The following LRRTM2 variants were observed in gnomAD, a reference collection of about 807,000 sequenced individuals.
LRRTM2 encodes leucine-rich repeat transmembrane neuronal protein 2.
A neutral mutation model predicts 40.7 loss-of-function variants in LRRTM2; 14 were observed. The observed-to-expected ratio is 0.34, with a 90% CI of 0.23 to 0.54. LRRTM2 has a LOEUF of 0.54. Ranked by LOEUF, LRRTM2 falls within the 20% of genes least tolerant of loss-of-function variation. The pLI is 0.92. For missense variants in LRRTM2, 468 were observed against 624.4 expected, an observed-to-expected ratio of 0.75 and a Z score of 2.67; for synonymous variants, 223 against 237.6, an observed-to-expected ratio of 0.94 and a Z score of 0.57.
chr5:138,874,687 T>C lies in LRRTM2; in HGVS notation c.5-131A>G. ...CACTGCATATAACTTATTTTTCATT[T>C]ACTGCAGAAAAATTAACCTTATTGG... is the stretch of plus-strand genomic sequence containing the variant. On this transcript the variant is annotated intron_variant, in intron 1 of 1. Coordinates refer to ENST00000274711, the MANE Select transcript of LRRTM2 (RefSeq NM_015564.3). This position sits in a 1 kb window ranked among gnomAD's most constrained non-coding sequence, Gnocchi z 4.1. The C allele has an allele frequency of 2.7e-6, 2 of 752,732 alleles. No individual in the cohort carries two copies. The highest frequency in any genetic ancestry group is 2.7e-5 in the East Asian group (1 of 36,910). The allele number at this position is 752,732 out of a possible 1,614,324, so 46.6% of individuals were successfully genotyped here. A position where few individuals can be genotyped will look rare whatever the true frequency, so the allele number is the denominator to read the frequency against.
rs1445977652 is a variant in LRRTM2 at position 138,871,803 on chromosome 5, C to T, written c.*1207G>A. On this transcript the variant is annotated 3_prime_UTR_variant, in exon 2 of 2. Coordinates refer to ENST00000274711, the MANE Select transcript of LRRTM2 (RefSeq NM_015564.3). ...CTGAACTACACTTACAGCGTGAATGCGTATCTTTATTGAAAGATCGAAATG... is the reference window on the plus strand; with the variant it reads ...CTGAACTACACTTACAGCGTGAATGTGTATCTTTATTGAAAGATCGAAATG... 2.0e-5 allele frequency: 3 copies of T among 152,154 alleles called. No individual in the cohort carries two copies. Among genetic ancestry groups the T allele is most frequent in the Non-Finnish European group, 2.9e-5 (2 of 68,026 alleles). The allele number at this position is 152,154 out of a possible 1,614,324, so 9.4% of individuals were successfully genotyped here. A position where few individuals can be genotyped will look rare whatever the true frequency, so the allele number is the denominator to read the frequency against.
Position 138,874,510 on chromosome 5 carries a change from T to G in LRRTM2, c.51A>C (p.Ile17=). The G allele has an allele frequency of 6.2e-7, 1 of 1,601,174 alleles. No individual in the cohort carries two copies. Among genetic ancestry groups the G allele is most frequent in the Non-Finnish European group, 8.5e-7 (1 of 1,172,088 alleles). Reference sequence around the variant, plus strand: ...TTTTTAAAACCATACTCATTGCATATATTGCTGCCAGCATAGGGGCCCCTA... The same window carrying G: ...TTTTTAAAACCATACTCATTGCATAGATTGCTGCCAGCATAGGGGCCCCTA... ...WPLGAPMLAA[I]YAMSMVLKML... Residue 17 remains isoleucine (I), a synonymous_variant, in exon 2 of 2, where the codon ATA becomes ATC. Coordinates refer to ENST00000274711, the MANE Select transcript of LRRTM2 (RefSeq NM_015564.3). The surrounding 1 kb of genome is among the most constrained non-coding windows in gnomAD (Gnocchi z 4.1).
rs1765083543 is a variant in LRRTM2, at chr5:138,869,065, G to A, written c.*3945C>T. 8.6e-6 allele frequency: 1 copy of A among 116,028 alleles called. No homozygotes were observed. Among genetic ancestry groups the A allele is most frequent in the African/African-American group, 3.3e-5 (1 of 30,082 alleles). The allele number at this position is 116,028 out of a possible 1,614,324, so 7.2% of individuals were successfully genotyped here. ...CATCTGCCCACCTCCCACCCAAAAAGAAAAATGGCTCTTGAAGGTGATTGA... is the reference window on the plus strand; with the variant it reads ...CATCTGCCCACCTCCCACCCAAAAAAAAAAATGGCTCTTGAAGGTGATTGA... On this transcript the variant is annotated 3_prime_UTR_variant, in exon 2 of 2. Transcript: ENST00000274711.
At position 138,872,860 on chromosome 5, in the gene LRRTM2, A is replaced by T. The variant is rs1750807048; in HGVS notation, c.*150T>A. On this transcript the variant is annotated 3_prime_UTR_variant, in exon 2 of 2. Transcript: ENST00000274711. ...AAAATATGGTTTCATTTAAAAAATT[A>T]AAAATACTTCAACACTTCAAAAACT... 1 of 527,802 alleles carries T rather than the reference A, an allele frequency of 1.9e-6. No homozygotes were observed. The highest frequency in any genetic ancestry group is 3.6e-5 in the Admixed American group (1 of 27,758). 32.7% of individuals were successfully genotyped at this position (527,802 alleles called of 1,614,324 possible). A position where few individuals can be genotyped will look rare whatever the true frequency, so the allele number is the denominator to read the frequency against.
In LRRTM2 at chr5:138,874,530, C is replaced by A. The variant is rs780871330; in HGVS notation, c.31G>T (p.Ala11Ser). Residue 11 changes from alanine (A) to serine (S), a missense_variant, in exon 2 of 2, where the codon GCC (alanine) becomes TCC (serine). Transcript: ENST00000274711. This position sits in a 1 kb window ranked among gnomAD's most constrained non-coding sequence, Gnocchi z 4.1. ...GCATATATTGCTGCCAGCATAGGGG[C>A]CCCTAATGGCCACTTGAAATGTAAG... MGLHFKWPLG[A>S]PMLAAIYAMS... 3 of 1,576,892 alleles carry A rather than the reference C, an allele frequency of 1.9e-6. No individual in the cohort carries two copies. Among genetic ancestry groups the A allele is most frequent in the South Asian group, 1.2e-5 (1 of 86,788 alleles).
Position 138,872,030 on chromosome 5 carries a change from G to GTGTA in LRRTM2, c.*979_*980insTACA, listed in dbSNP as rs1750700351. 1.2e-5 allele frequency: 1 copy of GTGTA among 85,296 alleles called. No homozygotes were observed. The highest frequency in any genetic ancestry group is 2.2e-5 in the Non-Finnish European group (1 of 45,002). 5.3% of individuals were successfully genotyped at this position (85,296 alleles called of 1,614,324 possible). A position where few individuals can be genotyped will look rare whatever the true frequency, so the allele number is the denominator to read the frequency against. ...TAGTTGAGAGAGAGAGCGCGAGAGT[G>GTGTA]TGTGTGTGTGTGTGTGTGTGTGTGT... On this transcript the variant is annotated 3_prime_UTR_variant, in exon 2 of 2. Transcript: ENST00000274711.
rs1183102838 is a variant in LRRTM2 at position 138,870,875 on chromosome 5, A to G, written c.*2135T>C. On this transcript the variant is annotated 3_prime_UTR_variant, in exon 2 of 2. Transcript: ENST00000274711. ...AGGGCGCTGTGCTCTATGCTGTTAA[A>G]TCAGCTTCTGTCTCTGCCCAGACAA... The G allele has an allele frequency of 6.6e-6, 1 of 152,186 alleles. No homozygotes were observed. Among genetic ancestry groups the G allele is most frequent in the African/African-American group, 2.4e-5 (1 of 41,448 alleles). The allele number at this position is 152,186 out of a possible 1,614,324, so 9.4% of individuals were successfully genotyped here. A position where few individuals can be genotyped will look rare whatever the true frequency, so the allele number is the denominator to read the frequency against.
rs1239794387 is a variant in LRRTM2 at position 138,870,205 on chromosome 5, C to G, written c.*2805G>C. The G allele has an allele frequency of 1.3e-5, 2 of 152,220 alleles. No individual in the cohort carries two copies. The highest frequency in any genetic ancestry group is 2.9e-5 in the Non-Finnish European group (2 of 68,034). 9.4% of individuals were successfully genotyped at this position (152,220 alleles called of 1,614,324 possible). A position where few individuals can be genotyped will look rare whatever the true frequency, so the allele number is the denominator to read the frequency against. On this transcript the variant is annotated 3_prime_UTR_variant, in exon 2 of 2. Transcript: ENST00000274711. ...CAAGATCCGCAGCGTTGCTGTGATG[C>G]TGTTCCGTTCTAGCCAGTTGGTAAA...
Position 138,873,757 on chromosome 5 carries a change from G to A in LRRTM2, c.804C>T (p.Ile268=), listed in dbSNP as rs745786028. Residue 268 remains isoleucine, a synonymous_variant, in exon 2 of 2, where the codon ATC becomes ATT. Coordinates refer to ENST00000274711, the MANE Select transcript of LRRTM2 (RefSeq NM_015564.3). The surrounding 1 kb of genome is among the most constrained non-coding windows in gnomAD (Gnocchi z 6.1). Reference sequence around the variant, plus strand: ...GCATCGTTTCAAACACTGTCAAGTCGATGGCTTTGATTTCATTTCCAGTCA... The same window carrying A: ...GCATCGTTTCAAACACTGTCAAGTCAATGGCTTTGATTTCATTTCCAGTCA... ...LDLTGNEIKA[I]DLTVFETMPN... is the part of the protein sequence containing the mutation. 1.2e-6 allele frequency: 2 copies of A among 1,614,000 alleles called. No individual in the cohort carries two copies. Among genetic ancestry groups the A allele is most frequent in the Non-Finnish European group, 8.5e-7 (1 of 1,179,890 alleles).
chr5:138,873,934 C>G lies in LRRTM2; in HGVS notation c.627G>C (p.Glu209Asp), dbSNP rs1338569045. 1 of 1,614,002 alleles carries G rather than the reference C, an allele frequency of 6.2e-7. No individual in the cohort carries two copies. The highest frequency in any genetic ancestry group is 1.7e-5 in the Admixed American group (1 of 60,022). The change falls in exon 2 of 2, where the codon GAG becomes GAC. Residue 209 changes from glutamate to aspartate, a missense_variant. Coordinates refer to ENST00000274711, the MANE Select transcript of LRRTM2 (RefSeq NM_015564.3). This position sits in a 1 kb window ranked among gnomAD's most constrained non-coding sequence, Gnocchi z 6.1. ...TCAGCTGGTTGTGCTCTAGGTGAAG[C>G]TCTCTCAGTTTAATTAATCCTGCAA... ...NGFAGLIKLR[E>D]LHLEHNQLTK...
chr5:138,872,106 A>G lies in LRRTM2; in HGVS notation c.*904T>C, dbSNP rs965336085. On this transcript the variant is annotated 3_prime_UTR_variant, in exon 2 of 2. Transcript: ENST00000274711. Reference sequence around the variant, plus strand: ...GGAGGGAGCATGTCAGGATTGTTAAATTGACTCAGTTTGTCTTGTTTATCT... The same window carrying G: ...GGAGGGAGCATGTCAGGATTGTTAAGTTGACTCAGTTTGTCTTGTTTATCT... 4.6e-5 allele frequency: 7 copies of G among 151,526 alleles called. No homozygotes were observed. The highest frequency in any genetic ancestry group is 1.7e-4 in the African/African-American group (7 of 41,182). The allele number at this position is 151,526 out of a possible 1,614,324, so 9.4% of individuals were successfully genotyped here. A position where few individuals can be genotyped will look rare whatever the true frequency, so the allele number is the denominator to read the frequency against.
chr5:138,875,068 T>C lies in LRRTM2; in HGVS notation c.-157A>G. On this transcript the variant is annotated 5_prime_UTR_variant, in exon 1 of 2. Transcript: ENST00000274711. ...AATTGAATCCACCAGGACGAGTTGT[T>C]TTTTCCTTAGGATATCCCTCTGGAA... 1.5e-6 allele frequency: 1 copy of C among 665,254 alleles called. No homozygotes were observed. The allele number at this position is 665,254 out of a possible 1,614,324, so 41.2% of individuals were successfully genotyped here.
In LRRTM2 at chr5:138,869,471, C is replaced by T. The variant is rs1439121800; in HGVS notation, c.*3539G>A. 6.6e-6 allele frequency: 1 copy of T among 151,410 alleles called. No homozygotes were observed. The highest frequency in any genetic ancestry group is 1.5e-5 in the Non-Finnish European group (1 of 67,956). The allele number at this position is 151,410 out of a possible 1,614,324, so 9.4% of individuals were successfully genotyped here. A position where few individuals can be genotyped will look rare whatever the true frequency, so the allele number is the denominator to read the frequency against. On this transcript the variant is annotated 3_prime_UTR_variant, in exon 2 of 2. Coordinates refer to ENST00000274711, the MANE Select transcript of LRRTM2 (RefSeq NM_015564.3). Reference sequence around the variant, plus strand: ...TTCAGATAGGTCTGTCGCTGTATTCCTGTATTAGGAAAACGATCATGTAAG... The same window carrying T: ...TTCAGATAGGTCTGTCGCTGTATTCTTGTATTAGGAAAACGATCATGTAAG...
rs1383126646 is a variant in LRRTM2 at position 138,874,630 on chromosome 5, AC to A, written c.5-75del. Reference sequence around the variant, plus strand: ...AGAACATATGGGCTATTTAAAAAAAACAACCACCACCAACATTATAGCAAAA... The same window carrying A: ...AGAACATATGGGCTATTTAAAAAAAAAACCACCACCAACATTATAGCAAAA... On this transcript the variant is annotated intron_variant, in intron 1 of 1. Transcript: ENST00000274711. This position sits in a 1 kb window ranked among gnomAD's most constrained non-coding sequence, Gnocchi z 4.1. 7 of 930,908 alleles carry A rather than the reference AC, an allele frequency of 7.5e-6. No individual in the cohort carries two copies. Among genetic ancestry groups the A allele is most frequent in the South Asian group, 1.8e-5 (1 of 55,510 alleles). 57.7% of individuals were successfully genotyped at this position (930,908 alleles called of 1,614,324 possible).
chr5:138,869,734 ATAAT>A lies in LRRTM2; in HGVS notation c.*3272_*3275del, dbSNP rs1236255480. On this transcript the variant is annotated 3_prime_UTR_variant, in exon 2 of 2. Coordinates refer to ENST00000274711, the MANE Select transcript of LRRTM2 (RefSeq NM_015564.3). ...CATTAGAATAAGCAGATGGATTTTA[ATAAT>A]TAGTGGCGTTGGGAAGTTCAGTCAA... is the stretch of plus-strand genomic sequence containing the variant. The A allele has an allele frequency of 3.3e-5, 5 of 152,624 alleles. No individual in the cohort carries two copies. The highest frequency in any genetic ancestry group is 6.6e-5 in the Admixed American group (1 of 15,260). The allele number at this position is 152,624 out of a possible 1,614,324, so 9.5% of individuals were successfully genotyped here. A position where few individuals can be genotyped will look rare whatever the true frequency, so the allele number is the denominator to read the frequency against.
rs1192011183 is a variant in LRRTM2, at chr5:138,872,572, A to G, written c.*438T>C. 1 of 153,530 alleles carries G rather than the reference A, an allele frequency of 6.5e-6. No homozygotes were observed. The highest frequency in any genetic ancestry group is 1.9e-4 in the East Asian group (1 of 5,212). 9.5% of individuals were successfully genotyped at this position (153,530 alleles called of 1,614,324 possible). A position where few individuals can be genotyped will look rare whatever the true frequency, so the allele number is the denominator to read the frequency against. ...CCAAATTATCATACAAGAGAACTTT[A>G]CTAAGTCTCCTTTTAAGCAGCAAGA... is the stretch of plus-strand genomic sequence containing the variant. On this transcript the variant is annotated 3_prime_UTR_variant, in exon 2 of 2. Coordinates refer to ENST00000274711, the MANE Select transcript of LRRTM2 (RefSeq NM_015564.3).
chr5:138,875,113 G>T lies in LRRTM2; in HGVS notation c.-202C>A. The stretch of plus-strand genomic sequence containing the variant: ...CTGGAAAGCATTGGTTTCATTTTCT[G>T]TGATTGCTCTGATCCCTAAATCAGT... On this transcript the variant is annotated 5_prime_UTR_variant, in exon 1 of 2. Transcript: ENST00000274711. 1 of 531,690 alleles carries T rather than the reference G, an allele frequency of 1.9e-6. No homozygotes were observed. The allele number at this position is 531,690 out of a possible 1,614,324, so 32.9% of individuals were successfully genotyped here.
Position 138,875,030 on chromosome 5 carries a change from G to T in LRRTM2, c.-119C>A. 1 of 984,730 alleles carries T rather than the reference G, an allele frequency of 1.0e-6. No homozygotes were observed. Among genetic ancestry groups the T allele is most frequent in the Non-Finnish European group, 1.6e-6 (1 of 641,812 alleles). The allele number at this position is 984,730 out of a possible 1,614,324, so 61.0% of individuals were successfully genotyped here. ...CAGTTTCCTGTTTTCTGTGTCCCAG[G>T]CTTTCCAAGTAAAATTGAATCCACC... is the stretch of plus-strand genomic sequence containing the variant. On this transcript the variant is annotated 5_prime_UTR_variant, in exon 1 of 2. Coordinates refer to ENST00000274711, the MANE Select transcript of LRRTM2 (RefSeq NM_015564.3).
At position 138,871,673 on chromosome 5, in the gene LRRTM2, C is replaced by T. The variant is rs1750638237; in HGVS notation, c.*1337G>A. The T allele has an allele frequency of 3.9e-5, 6 of 152,186 alleles. No homozygotes were observed. Among genetic ancestry groups the T allele is most frequent in the Admixed American group, 3.9e-4 (6 of 15,280 alleles). 9.4% of individuals were successfully genotyped at this position (152,186 alleles called of 1,614,324 possible). A position where few individuals can be genotyped will look rare whatever the true frequency, so the allele number is the denominator to read the frequency against. ...TCAAAATCTGCCTTTCCTTTTAATC[C>T]CTCACCTCTGTGCTGCCTTCAAGTT... On this transcript the variant is annotated 3_prime_UTR_variant, in exon 2 of 2. Coordinates refer to ENST00000274711, the MANE Select transcript of LRRTM2 (RefSeq NM_015564.3).
Sources: allele counts gnomAD v4.1 joint callset, GRCh38; gene constraint gnomAD v4.1.1; non-coding constraint Gnocchi (gnomAD v3.1); transcripts MANE v1.5; gene names NCBI Gene and HGNC (gene_info 2026-07-23, HGNC 2026-07-21).